The following AGO3 variants were observed in gnomAD, a reference collection of about 807,000 sequenced individuals.
AGO3 encodes argonaute RISC catalytic component 3, also known as protein argonaute-3.
AGO3 carries 16 observed loss-of-function variants against 105.5 expected under a neutral mutation model. The observed-to-expected ratio is 0.15, with a 90% CI of 0.10 to 0.23. The LOEUF is 0.23. Among genes scored for constraint, AGO3 ranks in the 10% least tolerant of loss-of-function variants. The pLI is 1.00. For synonymous variants in AGO3, 340 were observed against 367.3 expected (o/e 0.93, Z 0.85); for missense variants, 534 against 1,088.0 (o/e 0.49, Z 7.16).
chr1:35,991,275 C>T (rs1427890256), intron 5 of AGO3, among the ~76,000 whole-genome samples: 1 of 152,030 alleles, frequency 6.6e-6, no homozygotes, highest in Non-Finnish European at 1.5e-5. Context: ...GCTTGGGCGA[C>T]AGAGTGAGAC....
At chr1:35,963,561 A>G (rs1646716283) in intron 2 of AGO3, among the ~76,000 whole-genome samples, 1 of 152,068 alleles carries the variant, frequency 6.6e-6, no homozygotes, top group Non-Finnish European at 1.5e-5. Context: ...GATATTATAC[A>G]GATGATGATA....
chr1:36,039,533 G>T (rs1365196491), intron 14 of AGO3, among the ~76,000 whole-genome samples: 1 of 149,254 alleles, frequency 6.7e-6, no homozygotes, highest in African/African-American at 2.5e-5. Flanking sequence ...AAGAGAGAGA[G>T]ATGGGGTCTT....
chr1:36,058,608 C>G lies in AGO3; in HGVS notation c.*2863C>G, dbSNP rs1218321878. ...TATTGCCAATTCACTGTATTTTGAG[C>G]CTAAAATCTGAGCCCATGTCCTCTG... On this transcript the variant is annotated 3_prime_UTR_variant, in exon 19 of 19. Transcript: ENST00000373191. 1 of 152,074 alleles carries G rather than the reference C, an allele frequency of 6.6e-6. No individual in the cohort carries two copies. The highest frequency in any genetic ancestry group is 1.5e-5 in the Non-Finnish European group (1 of 68,018). 9.4% of individuals were successfully genotyped at this position (152,074 alleles called of 1,614,324 possible).
intron 17 of AGO3, 42 bp from the exon 18 acceptor site, chr1:36,054,902 AAG>A (rs772816120): frequency 1.2e-5 from 19 of 1,583,554 alleles, no homozygotes; most frequent in Non-Finnish European, 1.6e-5. Flanking sequence ...ACAAAACAAA[AAG>A]AGTTCAAAAT....
At chr1:35,986,955 C>T (rs1204360853) in intron 5 of AGO3, among the ~76,000 whole-genome samples, 1 of 150,300 alleles carries the variant, frequency 6.7e-6, no homozygotes, top group African/African-American at 2.5e-5. Context: ...GAGATTGCAC[C>T]ACTGTATTCC....
chr1:36,021,176 C>T (rs1029258362), intron 11 of AGO3, among the ~76,000 whole-genome samples: 1 of 152,134 alleles, frequency 6.6e-6, no homozygotes, highest in Non-Finnish European at 1.5e-5. Flanking sequence ...TTGTGATCTG[C>T]CCACCTCAGC....
In AGO3 at chr1:36,008,679, G is replaced by T. The variant is rs1219305973; in HGVS notation, c.794-11G>T. The T allele has an allele frequency of 6.2e-7, 1 of 1,612,710 alleles. No homozygotes were observed. Among genetic ancestry groups the T allele is most frequent in the Non-Finnish European group, 8.5e-7 (1 of 1,179,338 alleles). On this transcript the variant is annotated splice_polypyrimidine_tract_variant and intron_variant, in intron 6 of 18. Transcript: ENST00000373191. This position sits in a 1 kb window ranked among gnomAD's most constrained non-coding sequence, Gnocchi z 5.1. ...CAGTTCTGTAACCTCCATTTTTCTT[G>T]TTGGGAACAGGTTTGAAGGTTGAAG...
In AGO3 at chr1:36,063,267, T is replaced by G. The variant is rs1643046844; in HGVS notation, c.*7522T>G. On this transcript the variant is annotated 3_prime_UTR_variant, in exon 19 of 19. Transcript: ENST00000373191. ...GGCTTTCCTGTAAGTTTGATCCTTT[T>G]TTTCCCCTTTAGTAGCAAACTAACA... The G allele has an allele frequency of 6.6e-6, 1 of 152,192 alleles. No homozygotes were observed. The highest frequency in any genetic ancestry group is 1.5e-5 in the Non-Finnish European group (1 of 68,024). The allele number at this position is 152,192 out of a possible 1,614,324, so 9.4% of individuals were successfully genotyped here.
rs1569750339 is a variant in AGO3, at chr1:36,008,358, C to A, written c.794-332C>A. ...TCCTCTTTCATTCCTCCTTCCCTCT[C>A]CCAGCATAAATACCTGAATTTATTA... On this transcript the variant is annotated intron_variant, in intron 6 of 18. Coordinates refer to ENST00000373191, the MANE Select transcript of AGO3 (RefSeq NM_024852.4). This position sits in a 1 kb window ranked among gnomAD's most constrained non-coding sequence, Gnocchi z 5.1. Among the ~76,000 whole-genome samples, 1 of 152,142 alleles carries A rather than the reference C, an allele frequency of 6.6e-6. No individual in the cohort carries two copies. The highest frequency in any genetic ancestry group is 1.9e-4 in the East Asian group (1 of 5,194).
chr1:35,990,266 T>C (rs1030322324), intron 5 of AGO3, among the ~76,000 whole-genome samples: 4 of 152,092 alleles, frequency 2.6e-5, no homozygotes, highest in Admixed American at 1.3e-4. Flanking sequence ...CCCAGCACTT[T>C]GGGAGGCCGA....
chr1:36,052,198 G>A (rs1642743751), intron 17 of AGO3, among the ~76,000 whole-genome samples: 1 of 152,022 alleles, frequency 6.6e-6, no homozygotes, highest in Admixed American at 6.6e-5. Context: ...AGAAAATATG[G>A]TATTTATACA....
chr1:35,978,041 A>G (rs1206346208), intron 5 of AGO3, among the ~76,000 whole-genome samples: 2 of 152,154 alleles, frequency 1.3e-5, no homozygotes, highest in African/African-American at 4.8e-5. Context: ...TTGGTAACAT[A>G]GTCTTCCCAA....
intron 5 of AGO3, among the ~76,000 whole-genome samples, chr1:35,989,783 G>A (rs1647442233): frequency 6.6e-6 from 1 of 151,932 alleles, no homozygotes; most frequent in South Asian, 2.1e-4. Context: ...GTTGAGGTGG[G>A]AGAATCACTT....
intron 2 of AGO3, among the ~76,000 whole-genome samples, chr1:35,951,866 A>G (rs1388290372): frequency 6.6e-6 from 1 of 152,198 alleles, no homozygotes; most frequent in Non-Finnish European, 1.5e-5. Flanking sequence ...TTCATTTTGA[A>G]TAACTTGATG....
chr1:35,937,980 C>CTT (rs1252491042), intron 1 of AGO3, among the ~76,000 whole-genome samples: 22 of 133,202 alleles, frequency 1.7e-4, no homozygotes, highest in South Asian at 4.8e-4. Flanking sequence ...AAAATGTATT[C>CTT]TTTTTTTTTT....
chr1:35,996,969 T>C (rs1639856738), intron 5 of AGO3, among the ~76,000 whole-genome samples: 2 of 152,066 alleles, frequency 1.3e-5, no homozygotes, highest in African/African-American at 2.4e-5. Flanking sequence ...TGTAAAATGG[T>C]ACAAGTACTT....
chr1:35,956,643 T>G (rs899673730), intron 2 of AGO3, among the ~76,000 whole-genome samples: 3 of 151,586 alleles, frequency 2.0e-5, no homozygotes, highest in East Asian at 1.9e-4. Flanking sequence ...TTTTGTTTTT[T>G]TTTTTTTTTC....
Position 36,055,298 on chromosome 1 carries a change from T to TC in AGO3, c.2474+154dup. ...CAAGGTTTCCTATTGAAATATATTGTCTAGGCTCATTAGTAATAGAATCAT... is the reference window on the plus strand; with the variant it reads ...CAAGGTTTCCTATTGAAATATATTGTCCTAGGCTCATTAGTAATAGAATCAT... On this transcript the variant is annotated intron_variant, in intron 18 of 18. Coordinates refer to ENST00000373191, the MANE Select transcript of AGO3 (RefSeq NM_024852.4). The surrounding 1 kb of genome is among the most constrained non-coding windows in gnomAD (Gnocchi z 4.4). The TC allele has an allele frequency of 1.3e-6, 1 of 746,616 alleles. No homozygotes were observed. Among genetic ancestry groups the TC allele is most frequent in the Non-Finnish European group, 2.1e-6 (1 of 465,248 alleles). The allele number at this position is 746,616 out of a possible 1,614,324, so 46.2% of individuals were successfully genotyped here.
At chr1:36,012,915 A>G (rs1352439607) in intron 9 of AGO3, among the ~76,000 whole-genome samples, 1 of 151,846 alleles carries the variant, frequency 6.6e-6, no homozygotes, top group Non-Finnish European at 1.5e-5. Flanking sequence ...TAAAAAAAAA[A>G]AAGTTTTATT....
Sources: gnomAD v4.1 joint callset for allele counts (sites outside exome capture counted in the v4.1 genomes callset) on GRCh38, gnomAD v4.1.1 for gene constraint, Gnocchi (gnomAD v3.1) non-coding constraint, MANE v1.5 for transcripts, NCBI Gene and HGNC (gene_info 2026-07-23, HGNC 2026-07-21) for gene names.